Variants in PTGER3 observed in about 807,000 individuals in gnomAD.
PTGER3 encodes prostaglandin E2 receptor EP3 subtype.
Under a neutral mutation model 34.7 loss-of-function variants are expected in PTGER3, and 22 were observed. The observed-to-expected ratio is 0.63, with a 90% confidence interval of 0.45 to 0.91. The LOEUF is 0.91. PTGER3 is among the 40% of genes least tolerant of loss of function. The pLI, the probability that PTGER3 is intolerant of heterozygous loss-of-function variation, is 0.00. For missense variants in PTGER3, 468 were observed against 519.4 expected, an observed-to-expected ratio of 0.90 and a Z score of 0.96; for synonymous variants, 241 against 230.1, an observed-to-expected ratio of 1.05 and a Z score of -0.43.
chr1:71,032,787 G>A (rs1659518930), intron 1 of PTGER3, among the ~76,000 whole-genome samples: 1 of 152,152 alleles, frequency 6.6e-6, no homozygotes, highest in African/African-American at 2.4e-5. Flanking sequence ...ATCATTTGCA[G>A]CCAAACAATC....
chr1:70,931,623 A>G (rs1339468082), intron 4 of PTGER3, among the ~76,000 whole-genome samples: 1 of 152,196 alleles, frequency 6.6e-6, no homozygotes, highest in Non-Finnish European at 1.5e-5. Flanking sequence ...GGAAGCTGCC[A>G]AGGTTTGGGG....
At chr1:70,939,495 T>C (rs1649556829) in intron 4 of PTGER3, among the ~76,000 whole-genome samples, 2 of 152,212 alleles carry the variant, frequency 1.3e-5, no homozygotes, top group Non-Finnish European at 2.9e-5. Flanking sequence ...CTTCTGCACT[T>C]CCCTAGTAGA....
At chr1:70,986,872 C>T (rs1345965873) in intron 2 of PTGER3, among the ~76,000 whole-genome samples, 1 of 152,152 alleles carries the variant, frequency 6.6e-6, no homozygotes, top group Non-Finnish European at 1.5e-5. Flanking sequence ...ATATCTTCAA[C>T]CGCAAGATCA....
chr1:71,000,137 C>T (rs1314203834), intron 2 of PTGER3, among the ~76,000 whole-genome samples: 4 of 152,136 alleles, frequency 2.6e-5, no homozygotes, highest in East Asian at 1.9e-4. Context: ...AACAAACCCT[C>T]GAAGATAAAC....
At chr1:70,893,413 C>T (rs1646660887) in intron 4 of PTGER3, among the ~76,000 whole-genome samples, 1 of 152,188 alleles carries the variant, frequency 6.6e-6, no homozygotes, top group Admixed American at 6.5e-5. Context: ...TGGAGAAAGA[C>T]ATCAGGACAA....
chr1:71,027,585 T>C (rs1659043381), intron 1 of PTGER3, among the ~76,000 whole-genome samples: 1 of 152,190 alleles, frequency 6.6e-6, no homozygotes, highest in South Asian at 2.1e-4. Flanking sequence ...TTCATCTATT[T>C]CTCTAAAGAG....
At chr1:71,039,675 A>G (rs1268367033) in intron 1 of PTGER3, among the ~76,000 whole-genome samples, 1 of 151,620 alleles carries the variant, frequency 6.6e-6, no homozygotes, top group African/African-American at 2.4e-5. Flanking sequence ...AAAAAAGAAA[A>G]AAAGAAAGAA....
At position 71,046,124 on chromosome 1, in the gene PTGER3, A is replaced by T. The variant is rs545262407; in HGVS notation, c.897+557T>A. Among the ~76,000 whole-genome samples the T allele has an allele frequency of 1.6e-3, 225 of 136,466 alleles. 2 individuals are homozygous for T. The East Asian group carries it at 0.036, about 22-fold the overall frequency. 89.5% of individuals were successfully genotyped at this position (136,466 alleles called of 152,430 possible). A position where few individuals can be genotyped will look rare whatever the true frequency, so the allele number is the denominator to read the frequency against. The stretch of plus-strand genomic sequence containing the variant: ...GTGAAACCCCGTCTCTACTAAAAAT[A>T]AAAAAAAAAAATTAGCCGGGCGTGG... On this transcript the variant is annotated intron_variant, in intron 1 of 3. Coordinates refer to ENST00000306666, the MANE Select transcript of PTGER3 (RefSeq NM_198719.2).
At chr1:70,969,138 C>G (rs1326368434), downstream of PTGER3, among the ~76,000 whole-genome samples, 1 of 151,866 alleles carries the variant, frequency 6.6e-6, no homozygotes, top group Non-Finnish European at 1.5e-5. Flanking sequence ...ACTGGGGAGG[C>G]CAAAGTTGCA....
rs1230779783 is a variant in PTGER3 at position 71,047,691 on chromosome 1, C to A, written c.-114G>T. The A allele has an allele frequency of 8.6e-6, 11 of 1,273,852 alleles. No individual in the cohort carries two copies. The Admixed American group carries it at 1.7e-4, about 19-fold the overall frequency. 78.9% of individuals were successfully genotyped at this position (1,273,852 alleles called of 1,614,324 possible). Reference sequence around the variant, plus strand: ...TTACCGCGGCTGGGGCTGGGCTGCCCCCCATGGTGCGGGGCGCAGCCGCCG... The same window carrying A: ...TTACCGCGGCTGGGGCTGGGCTGCCACCCATGGTGCGGGGCGCAGCCGCCG... On this transcript the variant is annotated 5_prime_UTR_variant, in exon 1 of 4. Coordinates refer to ENST00000306666, the MANE Select transcript of PTGER3 (RefSeq NM_198719.2).
At chr1:70,962,049 A>T (rs1287515823) in intron 2 of PTGER3, among the ~76,000 whole-genome samples, 1 of 152,202 alleles carries the variant, frequency 6.6e-6, no homozygotes, top group Non-Finnish European at 1.5e-5. Context: ...TTGCAGCAGC[A>T]CTGCAAGTAG....
chr1:70,952,651 C>G, exon 4 of PTGER3: 1 of 1,091,438 alleles, frequency 9.2e-7, no homozygotes, highest in South Asian at 4.1e-5. Context: ...AAGCAGCAGT[C>G]TTGGCAATTC....
chr1:70,961,750 A>G (rs146446365), intron 2 of PTGER3, among the ~76,000 whole-genome samples: 6 of 152,342 alleles, frequency 3.9e-5, no homozygotes, highest in Non-Finnish European at 7.3e-5. Flanking sequence ...TCTTGCTGGC[A>G]CTTGCAGAGG....
chr1:70,913,676 G>T (rs1306472669), intron 4 of PTGER3, among the ~76,000 whole-genome samples: 3 of 151,756 alleles, frequency 2.0e-5, no homozygotes, highest in Admixed American at 6.6e-5. Context: ...TTTGCCGAGA[G>T]ATTTTATCAG....
exon 5 of PTGER3, chr1:70,852,380 T>C (rs909069900): frequency 6.2e-6 from 1 of 161,340 alleles, no homozygotes; most frequent in African/African-American, 2.4e-5. Context: ...ATTTTTATTT[T>C]TATTTTTGCA....
At chr1:70,957,635 T>C (rs1205124584) in intron 2 of PTGER3, among the ~76,000 whole-genome samples, 2 of 152,216 alleles carry the variant, frequency 1.3e-5, no homozygotes, top group Admixed American at 1.3e-4. Flanking sequence ...CACATGTACA[T>C]AGTGTAATGA....
intron 4 of PTGER3, among the ~76,000 whole-genome samples, chr1:70,899,018 C>T (rs1369480721): frequency 6.6e-6 from 1 of 152,022 alleles, no homozygotes; most frequent in East Asian, 1.9e-4. Flanking sequence ...TAGCCTGATG[C>T]TTGAAGAATG....
At chr1:71,000,785 G>A (rs1656400876) in intron 2 of PTGER3, among the ~76,000 whole-genome samples, 1 of 152,116 alleles carries the variant, frequency 6.6e-6, no homozygotes, top group Admixed American at 6.5e-5. Flanking sequence ...TAGAAAAAAA[G>A]AGAAATGTAT....
chr1:70,852,992 T>TAACAAG, intron 4 of PTGER3: 1 of 1,047,864 alleles, frequency 9.5e-7, no homozygotes, highest in Non-Finnish European at 1.5e-6. Flanking sequence ...TACAGCAGTA[T>TAACAAG]AACAAGAACA....
Sources: gnomAD v4.1 joint callset for allele counts (sites outside exome capture counted in the v4.1 genomes callset) on GRCh38, gnomAD v4.1.1 for gene constraint, MANE v1.5 for transcripts, NCBI Gene and HGNC (gene_info 2026-07-23, HGNC 2026-07-21) for gene names.